ZNF292: variants seen among roughly 807,000 people sequenced by gnomAD.
ZNF292 encodes zinc finger protein 292.
Under a neutral mutation model 217.9 loss-of-function variants are expected in ZNF292, and 26 were observed. The observed-to-expected ratio is 0.12, with a 90% CI of 0.09 to 0.17. The LOEUF (loss-of-function observed/expected upper bound fraction) is 0.17, where lower values mean the gene tolerates loss of function less well. Ranked by LOEUF, ZNF292 falls within the 10% of genes least tolerant of loss-of-function variation. ZNF292 has a pLI of 1.00. For missense variants in ZNF292, 2,904 were observed against 3,175.2 expected (o/e 0.91, Z 2.05); for synonymous variants, 1,257 against 1,124.1 (o/e 1.12, Z -2.37).
rs775123133 is a variant in ZNF292 at position 87,256,545 on chromosome 6, G to A, written c.2916G>A (p.Thr972=). 2.4e-5 allele frequency: 39 copies of A among 1,613,184 alleles called. No homozygotes were observed. Among genetic ancestry groups the A allele is most frequent in the Non-Finnish European group, 3.1e-5 (37 of 1,179,824 alleles). Residue 972 remains threonine, a synonymous_variant, in exon 8 of 8, where the codon ACG becomes ACA. Coordinates refer to ENST00000369577, the MANE Select transcript of ZNF292 (RefSeq NM_015021.3). ...AAGCACTGGTCACAGACTTACATAC[G>A]CCAGTTGAAGATACTTGTAATGATT... ...SGEALVTDLH[T]PVEDTCNDLC...
In ZNF292 at chr6:87,259,122, A is replaced by ATTCCTCAGT; in HGVS notation, c.5493_5494insTTCCTCAGT (p.Ser1831_His1832insPheLeuSer). The ATTCCTCAGT allele has an allele frequency of 6.2e-7, 1 of 1,613,364 alleles. No homozygotes were observed. Among genetic ancestry groups the ATTCCTCAGT allele is most frequent in the Non-Finnish European group, 8.5e-7 (1 of 1,179,622 alleles). ...GTAACATTCCTCAGTCTGAAGTATC[A>ATTCCTCAGT]CATAAGGAGGATCAAATACAGGAAA... On this transcript the variant is annotated inframe_insertion, in exon 8 of 8. Coordinates refer to ENST00000369577, the MANE Select transcript of ZNF292 (RefSeq NM_015021.3).
chr6:87,246,925 C>T (rs1272769031), intron 7 of ZNF292, among the ~76,000 whole-genome samples: 8 of 151,798 alleles, frequency 5.3e-5, no homozygotes, highest in African/African-American at 1.7e-4. Flanking sequence ...GAGGCCAAGG[C>T]GGGTGGATCA....
rs201296869 is a variant in ZNF292, at chr6:87,155,659, A to T, written c.68A>T (p.Gln23Leu). 1 of 1,584,266 alleles carries T rather than the reference A, an allele frequency of 6.3e-7. No homozygotes were observed. Among genetic ancestry groups the T allele is most frequent in the African/African-American group, 1.3e-5 (1 of 74,556 alleles). The change falls in exon 1 of 8, where the codon CAG (glutamine) becomes CTG (leucine). Residue 23 changes from glutamine (Q) to leucine (L), a missense_variant. Gln to Leu is a moderately radical substitution (Grantham distance 113, BLOSUM62 -2). This residue lies in a region of ZNF292 where 66 missense variants were observed against 44.1 expected (regional missense o/e 1.50). Transcript: ENST00000369577. ...GAAGGCGGCTGCGTCGCGGAGCTGCAGCGCCTGGGCGAGCGGCTCCAGGAG... is the reference window on the plus strand; with the variant it reads ...GAAGGCGGCTGCGTCGCGGAGCTGCTGCGCCTGGGCGAGCGGCTCCAGGAG... ...CGEGGCVAEL[Q>L]RLGERLQELE... is the part of the protein sequence containing the mutation.
At chr6:87,210,520 TC>T (rs1435955043) in intron 1 of ZNF292, among the ~76,000 whole-genome samples, 10 of 151,810 alleles carry the variant, frequency 6.6e-5, no homozygotes. Flanking sequence ...ATCTAGTAGC[TC>T]CCTTAAAGAA....
intron 1 of ZNF292, among the ~76,000 whole-genome samples, chr6:87,204,871 G>C (rs1436922245): frequency 6.6e-6 from 1 of 151,840 alleles, no homozygotes; most frequent in Admixed American, 6.6e-5. Flanking sequence ...GCCACATTTA[G>C]GATTTTTAAA....
At chr6:87,156,067 G>C (rs1441792190) in intron 1 of ZNF292, among the ~76,000 whole-genome samples, 1 of 152,262 alleles carries the variant, frequency 6.6e-6, no homozygotes, top group Non-Finnish European at 1.5e-5. Flanking sequence ...GCGGATTGGA[G>C]AGAGTAGGAG....
At chr6:87,241,977 A>G (rs894080420) in intron 5 of ZNF292, among the ~76,000 whole-genome samples, 2 of 152,186 alleles carry the variant, frequency 1.3e-5, no homozygotes, top group African/African-American at 4.8e-5. Context: ...TCAACTTAGG[A>G]TGGGCGTGTT....
At position 87,255,645 on chromosome 6, in the gene ZNF292, C is replaced by A; in HGVS notation, c.2016C>A (p.Val672=). Residue 672 remains valine, a synonymous_variant, in exon 8 of 8, where the codon GTC becomes GTA. Coordinates refer to ENST00000369577, the MANE Select transcript of ZNF292 (RefSeq NM_015021.3). ...CCTATGAGCCAGAAGTGATTCCAGT[C>A]CAGAAACCAGTACCTGTTAATGAAT... is the stretch of plus-strand genomic sequence containing the variant. ...DKSYEPEVIP[V]QKPVPVNEFN... is the part of the protein sequence containing the mutation. 1 of 1,612,906 alleles carries A rather than the reference C, an allele frequency of 6.2e-7. No individual in the cohort carries two copies. Among genetic ancestry groups the A allele is most frequent in the South Asian group, 1.1e-5 (1 of 90,906 alleles).
At chr6:87,160,491 ATGTGTG>A (rs1260142601) in intron 1 of ZNF292, among the ~76,000 whole-genome samples, 8 of 146,324 alleles carry the variant, frequency 5.5e-5, no homozygotes, top group Non-Finnish European at 4.5e-5. Flanking sequence ...TTGTATATAT[ATGTGTG>A]TGTGTGTGTG....
intron 1 of ZNF292, among the ~76,000 whole-genome samples, chr6:87,162,139 G>C (rs1026573660): frequency 6.6e-6 from 1 of 152,188 alleles, no homozygotes. Flanking sequence ...AAGCACTTCA[G>C]GCTGGGGTAT....
At chr6:87,157,711 T>C (rs966617710) in intron 1 of ZNF292, among the ~76,000 whole-genome samples, 10 of 152,166 alleles carry the variant, frequency 6.6e-5, no homozygotes, top group African/African-American at 9.7e-5. Context: ...TTTTGAGATA[T>C]GGAGTCTTGC....
chr6:87,192,434 C>A (rs546454189), intron 1 of ZNF292, among the ~76,000 whole-genome samples: 1 of 151,806 alleles, frequency 6.6e-6, no homozygotes, highest in African/African-American at 2.4e-5. Flanking sequence ...ATGGATAAGT[C>A]AGTTATTGTG....
At chr6:87,247,297 A>ATGCG (rs755510687) in intron 7 of ZNF292, among the ~76,000 whole-genome samples, 1 of 149,512 alleles carries the variant, frequency 6.7e-6, no homozygotes, top group Non-Finnish European at 1.5e-5. Flanking sequence ...ACGCACGTGC[A>ATGCG]TGCATGCATG....
intron 1 of ZNF292, among the ~76,000 whole-genome samples, chr6:87,156,880 T>C (rs1364002141): frequency 1.3e-5 from 2 of 152,210 alleles, no homozygotes. Context: ...CTGGCTCTGG[T>C]GAAGACTTTG....
chr6:87,247,305 A>ATGCG (rs1453229463), intron 7 of ZNF292, among the ~76,000 whole-genome samples: 185 of 150,502 alleles, frequency 1.2e-3, no homozygotes, highest in African/African-American at 4.3e-3. Context: ...GCATGCATGC[A>ATGCG]TGCATGCACA....
At chr6:87,165,331 G>T (rs1246024791) in intron 1 of ZNF292, among the ~76,000 whole-genome samples, 2 of 151,954 alleles carry the variant, frequency 1.3e-5, no homozygotes, top group African/African-American at 4.8e-5. Context: ...ATCTCAGTTA[G>T]AGTTACAAGT....
intron 1 of ZNF292, among the ~76,000 whole-genome samples, chr6:87,178,220 G>A (rs1771363610): frequency 1.1e-5 from 1 of 88,116 alleles, no homozygotes; most frequent in African/African-American, 8.1e-5. Flanking sequence ...TATTATGATT[G>A]TGTTTCTTTC....
chr6:87,256,342 A>G lies in ZNF292; in HGVS notation c.2713A>G (p.Ile905Val), dbSNP rs758502605. The change falls in exon 8 of 8, where the codon ATT becomes GTT. Residue 905 changes from isoleucine to valine, a missense_variant. Coordinates refer to ENST00000369577, the MANE Select transcript of ZNF292 (RefSeq NM_015021.3). ...AESAVTKQDQ[I>V]SASELRQANG... Reference sequence around the variant, plus strand: ...ATCAGCTGTGACCAAACAAGACCAGATTTCTGCCTCTGAGCTCAGGCAAGC... The same window carrying G: ...ATCAGCTGTGACCAAACAAGACCAGGTTTCTGCCTCTGAGCTCAGGCAAGC... 6.2e-7 allele frequency: 1 copy of G among 1,612,368 alleles called. No homozygotes were observed. The highest frequency in any genetic ancestry group is 2.2e-5 in the East Asian group (1 of 44,884).
At chr6:87,215,007 C>A (rs1260966837) in intron 1 of ZNF292, 1 of 148,956 alleles carries the variant, frequency 6.7e-6, no homozygotes, top group Admixed American at 6.8e-5. Flanking sequence ...GGAAAAGAAA[C>A]CTGAATTTCC....
Sources: gnomAD v4.1 joint callset for allele counts (sites outside exome capture counted in the v4.1 genomes callset) on GRCh38, gnomAD v4.1.1 for gene constraint, gnomAD v4.1.1 regional missense constraint, MANE v1.5 for transcripts, NCBI Gene and HGNC (gene_info 2026-07-23, HGNC 2026-07-21) for gene names.